Variants in IL1RAPL2 observed in about 807,000 individuals in gnomAD.
IL1RAPL2 encodes the protein X-linked interleukin-1 receptor accessory protein-like 2.
IL1RAPL2 carries 3 observed loss-of-function variants against 44.1 expected under a neutral mutation model. That is an observed-to-expected ratio of 0.07 (90% confidence interval 0.03 to 0.18). The LOEUF (loss-of-function observed/expected upper bound fraction) is 0.18, where lower values mean the gene tolerates loss of function less well. IL1RAPL2 is among the 10% of genes least tolerant of loss of function. The pLI is 1.00. For synonymous variants in IL1RAPL2, 181 were observed against 178.8 expected (o/e 1.01, Z -0.10); for missense variants, 391 against 496.4 (o/e 0.79, Z 2.02).
chrX:105,328,421 A>G (rs2147692366), intron 5 of IL1RAPL2, among the ~76,000 whole-genome samples: 1 of 111,817 alleles, frequency 8.9e-6, no homozygotes, highest in Non-Finnish European at 1.9e-5. Flanking sequence ...ATCCCAGTAT[A>G]TTTGCCTGAA....
At chrX:105,162,662 C>T (rs1489995018) in intron 2 of IL1RAPL2, among the ~76,000 whole-genome samples, 2 of 112,040 alleles carry the variant, frequency 1.8e-5, no homozygotes, top group East Asian at 2.8e-4. Flanking sequence ...CTTAGGAAAA[C>T]GTGGATACTG....
intron 6 of IL1RAPL2, among the ~76,000 whole-genome samples, chrX:105,497,173 G>A (rs2036361789): frequency 9.0e-6 from 1 of 111,275 alleles, no homozygotes; most frequent in Non-Finnish European, 1.9e-5. Flanking sequence ...CAGTTAGGAT[G>A]GCTATTATTA....
intron 6 of IL1RAPL2, among the ~76,000 whole-genome samples, chrX:105,554,201 A>G (rs1386094844): frequency 1.8e-5 from 2 of 112,785 alleles, no homozygotes; most frequent in Non-Finnish European, 3.8e-5. Flanking sequence ...GACAGTTTGT[A>G]CTATATAATG....
intron 1 of IL1RAPL2, among the ~76,000 whole-genome samples, chrX:104,649,360 A>G (rs1417754874): frequency 9.0e-6 from 1 of 111,689 alleles, no homozygotes; most frequent in African/African-American, 3.3e-5. Flanking sequence ...AAGTTGGACT[A>G]GGTAACTATT....
At chrX:104,988,670 CTG>C (rs2030605420) in intron 2 of IL1RAPL2, among the ~76,000 whole-genome samples, 1 of 111,939 alleles carries the variant, frequency 8.9e-6, no homozygotes, top group South Asian at 3.6e-4. Context: ...TTATTGAAGT[CTG>C]TGTTTTTAAA....
intron 6 of IL1RAPL2, among the ~76,000 whole-genome samples, chrX:105,536,057 T>C (rs993757515): frequency 1.1e-3 from 124 of 111,620 alleles, no homozygotes; most frequent in African/African-American, 3.9e-3. Context: ...AGTTCTTTTT[T>C]TACAAATATA....
intron 7 of IL1RAPL2, among the ~76,000 whole-genome samples, chrX:105,734,719 A>T (rs765661771): frequency 2.7e-5 from 3 of 111,596 alleles, no homozygotes; most frequent in African/African-American, 9.8e-5. Context: ...AAGGAGGACA[A>T]AGTGCTCTGG....
intron 6 of IL1RAPL2, among the ~76,000 whole-genome samples, chrX:105,555,361 G>A (rs1289073645): frequency 1.8e-5 from 2 of 111,206 alleles, no homozygotes; most frequent in African/African-American, 3.3e-5. Context: ...AACTATCAGG[G>A]TTGCCTTGCT....
chrX:105,390,690 T>G (rs2035514946), intron 5 of IL1RAPL2, among the ~76,000 whole-genome samples: 1 of 110,918 alleles, frequency 9.0e-6, no homozygotes, highest in African/African-American at 3.3e-5. Flanking sequence ...GTTAATGTAT[T>G]AATAATAGCC....
intron 2 of IL1RAPL2, among the ~76,000 whole-genome samples, chrX:105,154,598 GTTTGT>G (rs199914442): frequency 0.054 from 5,986 of 111,053 alleles, 405 homozygotes; most frequent in African/African-American, 0.19. Flanking sequence ...GAGTTGTCAA[GTTTGT>G]TTTGTTTTGT....
chrX:105,049,061 C>T (rs73638473), intron 2 of IL1RAPL2, among the ~76,000 whole-genome samples: 2,032 of 111,588 alleles, frequency 0.018, 52 homozygotes, highest in African/African-American at 0.063. Context: ...CCACCTATCC[C>T]CTCAATAAAA....
At chrX:105,254,822 A>G (rs1291024977) in intron 4 of IL1RAPL2, among the ~76,000 whole-genome samples, 6 of 112,024 alleles carry the variant, frequency 5.4e-5, no homozygotes, top group Non-Finnish European at 1.1e-4. Context: ...TCTTTTCCCC[A>G]TTGCTTGTTT....
intron 2 of IL1RAPL2, among the ~76,000 whole-genome samples, chrX:104,672,384 A>T (rs1473593807): frequency 1.8e-5 from 2 of 110,613 alleles, no homozygotes; most frequent in Non-Finnish European, 3.8e-5. Flanking sequence ...ACTGAGAATG[A>T]TGTTTTCCAA....
chrX:104,620,963 TTATA>T lies in IL1RAPL2; in HGVS notation c.-19-37929_-19-37926del, dbSNP rs1342578987. Reference sequence around the variant, plus strand: ...TAATATAATATATAAATTCTATAATTTATATAATAATATAATATAATAACATATA... The same window carrying T: ...TAATATAATATATAAATTCTATAATTTAATAATATAATATAATAACATATA... On this transcript the variant is annotated intron_variant, in intron 1 of 10. Transcript: ENST00000372582. Among the ~76,000 whole-genome samples, 10 of 93,401 alleles carry T rather than the reference TTATA, an allele frequency of 1.1e-4. No individual in the cohort carries two copies. The Admixed American group carries it at 1.1e-3, about 10-fold the overall frequency. 81.1% of individuals were successfully genotyped at this position (93,401 alleles called of 115,157 possible).
At chrX:105,640,936 T>C (rs1175905833) in intron 6 of IL1RAPL2, among the ~76,000 whole-genome samples, 1 of 108,084 alleles carries the variant, frequency 9.3e-6, no homozygotes, top group African/African-American at 3.4e-5. Context: ...ACAAAGCCAG[T>C]GTAAGCACTG....
chrX:105,064,980 A>T (rs1013626883), intron 2 of IL1RAPL2, among the ~76,000 whole-genome samples: 5 of 112,382 alleles, frequency 4.4e-5, no homozygotes, highest in Non-Finnish European at 9.4e-5. Flanking sequence ...AAATCTGTGG[A>T]GCTTCTAAAA....
At chrX:104,589,913 C>T (rs1207413473) in intron 1 of IL1RAPL2, among the ~76,000 whole-genome samples, 1 of 112,137 alleles carries the variant, frequency 8.9e-6, no homozygotes, top group Non-Finnish European at 1.9e-5. Context: ...CATTTGCTCA[C>T]TTACACTGAA....
intron 2 of IL1RAPL2, among the ~76,000 whole-genome samples, chrX:104,979,734 A>G (rs1407929945): frequency 8.9e-6 from 1 of 112,339 alleles, no homozygotes; most frequent in Non-Finnish European, 1.9e-5. Context: ...CAAATAACAT[A>G]GAAGCAAATC....
At chrX:105,529,183 G>T (rs1266668097) in intron 6 of IL1RAPL2, among the ~76,000 whole-genome samples, 3 of 111,314 alleles carry the variant, frequency 2.7e-5, no homozygotes, top group Non-Finnish European at 5.7e-5. Flanking sequence ...TGATTTGGGT[G>T]ATCCTGTGTC....
Sources: gnomAD v4.1 joint callset for allele counts (sites outside exome capture counted in the v4.1 genomes callset) on GRCh38, gnomAD v4.1.1 for gene constraint, MANE v1.5 for transcripts, NCBI Gene and HGNC (gene_info 2026-07-23, HGNC 2026-07-21) for gene names.